EXOC6B: variants seen among roughly 807,000 people sequenced by gnomAD.
EXOC6B encodes SEC15 homolog B.
In EXOC6B, 54 loss-of-function variants were observed where a neutral mutation model predicts 113.5. The observed-to-expected ratio is 0.48, with a 90% CI of 0.38 to 0.60. The LOEUF (loss-of-function observed/expected upper bound fraction) is 0.60, where lower values mean the gene tolerates loss of function less well. EXOC6B is among the 20% of genes least tolerant of loss of function. The pLI is 0.00. For missense variants in EXOC6B, 797 were observed against 977.5 expected, an observed-to-expected ratio of 0.82 and a Z score of 2.46; for synonymous variants, 357 against 339.0, an observed-to-expected ratio of 1.05 and a Z score of -0.58.
intron 20 of EXOC6B, among the ~76,000 whole-genome samples, chr2:72,200,221 T>C (rs1236571362): frequency 6.6e-6 from 1 of 152,084 alleles, no homozygotes; most frequent in Non-Finnish European, 1.5e-5. Flanking sequence ...ACTTCTGAAA[T>C]AGAAGAGAGA....
At chr2:72,293,624 T>C (rs566250955) in intron 20 of EXOC6B, among the ~76,000 whole-genome samples, 12 of 152,244 alleles carry the variant, frequency 7.9e-5, no homozygotes, top group Non-Finnish European at 1.3e-4. Flanking sequence ...TTTTTAAAAG[T>C]GAAAGTCTGG....
At chr2:72,404,604 G>A (rs6546769) in intron 18 of EXOC6B, among the ~76,000 whole-genome samples, 31,891 of 152,122 alleles carry the variant, frequency 0.21, 6,325 homozygotes, top group African/African-American at 0.53. Flanking sequence ...ACAGGGACTG[G>A]AGTGGACCTC....
At chr2:72,233,115 T>C (rs1681737188) in intron 20 of EXOC6B, among the ~76,000 whole-genome samples, 1 of 151,482 alleles carries the variant, frequency 6.6e-6, no homozygotes, top group Non-Finnish European at 1.5e-5. Context: ...CCCTAGTACA[T>C]AAGATACCCT....
At chr2:72,362,714 C>A (rs1690393744) in intron 19 of EXOC6B, among the ~76,000 whole-genome samples, 1 of 152,070 alleles carries the variant, frequency 6.6e-6, no homozygotes. Context: ...TCTAACTAGT[C>A]TCTGAGGCTC....
chr2:72,532,837 A>C lies in EXOC6B; in HGVS notation c.916-17711T>G, dbSNP rs561096734. ...AACAACGACAAAAAACAAAACAAAAAAAAAACAATGCTTTTGACTCTGGCA... is the reference window on the plus strand; with the variant it reads ...AACAACGACAAAAAACAAAACAAAACAAAAACAATGCTTTTGACTCTGGCA... On this transcript the variant is annotated intron_variant, in intron 8 of 21. Transcript: ENST00000272427. Among the ~76,000 whole-genome samples, 148 of 152,062 alleles carry C rather than the reference A, an allele frequency of 9.7e-4. 1 individual carries two copies. Among genetic ancestry groups the C allele is most frequent in the Non-Finnish European group, 1.9e-3 (129 of 68,008 alleles).
chr2:72,752,041 G>T (rs971546026), intron 1 of EXOC6B, among the ~76,000 whole-genome samples: 7 of 151,986 alleles, frequency 4.6e-5, no homozygotes, highest in African/African-American at 1.7e-4. Context: ...TGGACCCCTA[G>T]ACCCATGCAA....
chr2:72,676,099 C>A, intron 6 of EXOC6B, among the ~76,000 whole-genome samples: 1 of 145,082 alleles, frequency 6.9e-6, no homozygotes, highest in South Asian at 2.2e-4. Flanking sequence ...AGGCTCTGAA[C>A]TAATATGTGT....
rs551504436 is a variant in EXOC6B at position 72,368,512 on chromosome 2, T to G, written c.2122+11217A>C. Reference sequence around the variant, plus strand: ...AGAGGGAATCCTCCCTAACTCATTTTATGAGGCCAGCATCATCCTGATACT... The same window carrying G: ...AGAGGGAATCCTCCCTAACTCATTTGATGAGGCCAGCATCATCCTGATACT... On this transcript the variant is annotated intron_variant, in intron 19 of 21. Transcript: ENST00000272427. 4.1e-4 allele frequency among the ~76,000 whole-genome samples: 63 copies of G among 152,322 alleles called. No homozygotes were observed. In the East Asian group the frequency reaches 4.2e-3, roughly 10 times the overall value.
At chr2:72,743,117 T>C (rs1360492955) in intron 1 of EXOC6B, among the ~76,000 whole-genome samples, 4 of 152,136 alleles carry the variant, frequency 2.6e-5, no homozygotes, top group Non-Finnish European at 1.5e-5. Context: ...AATACATTAA[T>C]AAGTCCTGAC....
intron 20 of EXOC6B, among the ~76,000 whole-genome samples, chr2:72,269,239 A>G (rs906654990): frequency 6.6e-6 from 1 of 152,140 alleles, no homozygotes; most frequent in Non-Finnish European, 1.5e-5. Flanking sequence ...CAGTGGGAAT[A>G]CAGTATTTGT....
intron 8 of EXOC6B, among the ~76,000 whole-genome samples, chr2:72,534,659 T>G (rs996580044): frequency 6.6e-6 from 1 of 152,156 alleles, no homozygotes; most frequent in African/African-American, 2.4e-5. Flanking sequence ...GTAGGCATAG[T>G]GATAGCTAAG....
intron 18 of EXOC6B, among the ~76,000 whole-genome samples, chr2:72,455,317 A>G (rs1244406641): frequency 1.3e-5 from 2 of 152,222 alleles, no homozygotes; most frequent in Non-Finnish European, 2.9e-5. Flanking sequence ...ACTTATTGGT[A>G]TATTTCCCAT....
chr2:72,582,602 T>G (rs1422226656), intron 6 of EXOC6B, among the ~76,000 whole-genome samples: 1 of 151,898 alleles, frequency 6.6e-6, no homozygotes, highest in Non-Finnish European at 1.5e-5. Context: ...TGGCACAATC[T>G]TGGCTCATTG....
intron 18 of EXOC6B, among the ~76,000 whole-genome samples, chr2:72,438,499 C>T (rs1161999860): frequency 6.6e-6 from 1 of 152,096 alleles, no homozygotes; most frequent in Non-Finnish European, 1.5e-5. Flanking sequence ...GACCTAGTTA[C>T]TCAGGAAGCT....
intron 20 of EXOC6B, among the ~76,000 whole-genome samples, chr2:72,195,384 G>A (rs1679105291): frequency 6.6e-6 from 1 of 152,214 alleles, no homozygotes; most frequent in Non-Finnish European, 1.5e-5. Context: ...AGGGGAGGAT[G>A]GGAGGCCCCT....
At chr2:72,638,069 A>T (rs747483838) in intron 6 of EXOC6B, among the ~76,000 whole-genome samples, 1 of 152,194 alleles carries the variant, frequency 6.6e-6, no homozygotes, top group Non-Finnish European at 1.5e-5. Flanking sequence ...CAGTGAAAGG[A>T]AAACTTGGTT....
At chr2:72,319,956 C>T (rs1417806262) in intron 20 of EXOC6B, among the ~76,000 whole-genome samples, 1 of 152,012 alleles carries the variant, frequency 6.6e-6, no homozygotes, top group African/African-American at 2.4e-5. Flanking sequence ...CCTGCCTCAG[C>T]CTCCTGAGTA....
intron 1 of EXOC6B, among the ~76,000 whole-genome samples, chr2:72,776,244 G>A (rs1683693923): frequency 6.6e-6 from 1 of 152,086 alleles, no homozygotes; most frequent in Admixed American, 6.6e-5. Context: ...ATACTTTTAA[G>A]GTAATGAAGG....
rs115145004 is a variant in EXOC6B at position 72,493,330 on chromosome 2, C to G, written c.1554-901G>C. Among the ~76,000 whole-genome samples, 820 of 137,958 alleles carry G rather than the reference C, an allele frequency of 5.9e-3. 50 individuals are homozygous for G. Among genetic ancestry groups the G allele is most frequent in the African/African-American group, 0.021 (756 of 35,544 alleles). The allele number at this position is 137,958 out of a possible 152,430, so 90.5% of individuals were successfully genotyped here. On this transcript the variant is annotated intron_variant, in intron 15 of 21. Coordinates refer to ENST00000272427, the MANE Select transcript of EXOC6B (RefSeq NM_015189.3). ...CTTCTCTGTTTTTCTCCCCCCCCCC[C>G]CCCCGCATTTTTACATAGGAAGCAA...
Sources: allele counts gnomAD v4.1 joint callset (sites outside exome capture counted in the v4.1 genomes callset), GRCh38; gene constraint gnomAD v4.1.1; transcripts MANE v1.5; gene names NCBI Gene and HGNC (gene_info 2026-07-23, HGNC 2026-07-21).